The following DPYSL4 variants were observed in gnomAD, a reference collection of about 807,000 sequenced individuals.
DPYSL4 encodes dihydropyrimidinase-related protein 4.
DPYSL4 carries 43 observed loss-of-function variants against 63.4 expected under a neutral mutation model. The observed-to-expected ratio is 0.68, with a 90% CI of 0.53 to 0.88. The LOEUF (loss-of-function observed/expected upper bound fraction) is 0.88. DPYSL4 is among the 40% of genes least tolerant of loss of function. The pLI is 0.00. For missense variants in DPYSL4, 733 were observed against 819.5 expected (o/e 0.89, Z 1.29); for synonymous variants, 353 against 331.7 (o/e 1.06, Z -0.70).
intron 4 of DPYSL4, among the ~76,000 whole-genome samples, chr10:132,195,341 G>A (rs544414772): frequency 1.7e-4 from 26 of 152,336 alleles, no homozygotes; most frequent in Non-Finnish European, 3.1e-4. Flanking sequence ...CTTTCAGAGG[G>A]AGACCCTTTT....
chr10:132,190,758 T>G lies in DPYSL4; in HGVS notation c.51T>G (p.Leu17=). Residue 17 remains leucine (L), a synonymous_variant, in exon 2 of 14, where the codon CTT becomes CTG. Transcript: ENST00000338492. ...GTTGTTCCCGATAGAGTGACCGCCT[T>G]CTGATCAGAGGTGGGAGGATCGTGA... is the stretch of plus-strand genomic sequence containing the variant. ...KSIPRITSDR[L]LIRGGRIVND... 1 of 1,613,290 alleles carries G rather than the reference T, an allele frequency of 6.2e-7. No individual in the cohort carries two copies. Among genetic ancestry groups the G allele is most frequent in the Non-Finnish European group, 8.5e-7 (1 of 1,179,338 alleles).
chr10:132,192,686 G>A lies in DPYSL4; in HGVS notation c.157G>A (p.Gly53Arg), dbSNP rs1245277278. The A allele has an allele frequency of 1.2e-5, 19 of 1,611,874 alleles. No individual in the cohort carries two copies. Among genetic ancestry groups the A allele is most frequent in the Non-Finnish European group, 1.6e-5 (19 of 1,179,316 alleles). ...KQIGENLIVP[G>R]GIKTIDAHGL... ...AATCGGAGAAAACCTCATCGTCCCT[G>A]GGGGCATCAAGACCATTGACGCCCA... Residue 53 changes from glycine to arginine, a missense_variant, in exon 3 of 14, where the codon GGG becomes AGG. Transcript: ENST00000338492.
chr10:132,201,261 A>G (rs542908895), intron 10 of DPYSL4, among the ~76,000 whole-genome samples: 1 of 152,048 alleles, frequency 6.6e-6, no homozygotes, highest in South Asian at 2.1e-4. Flanking sequence ...AGGGGTCAGC[A>G]TGGGGTCTCC....
At position 132,196,894 on chromosome 10, in the gene DPYSL4, A is replaced by G. The variant is rs1386658955; in HGVS notation, c.512A>G (p.Lys171Arg). 6.2e-7 allele frequency: 1 copy of G among 1,613,618 alleles called. No homozygotes were observed. Among genetic ancestry groups the G allele is most frequent in the East Asian group, 2.2e-5 (1 of 44,886 alleles). Residue 171 changes from lysine (K) to arginine (R), a missense_variant, in exon 5 of 14, where the codon AAG (lysine) becomes AGG (arginine). Lys to Arg is a conservative substitution (Grantham distance 26). Coordinates refer to ENST00000338492, the MANE Select transcript of DPYSL4 (RefSeq NM_006426.3). ...TCCTTCCTGGTCTTCATGGCATACA[A>G]GGACCGGTGCCAGTGCAGCGACAGC... is the stretch of plus-strand genomic sequence containing the variant. ...VNSFLVFMAY[K>R]DRCQCSDSQM...
intron 9 of DPYSL4, 61 bp downstream of exon 9, chr10:132,200,573 T>C: frequency 1.3e-6 from 2 of 1,588,064 alleles, no homozygotes; most frequent in Non-Finnish European, 1.7e-6. Context: ...GCCAAGGCTG[T>C]GGCCCCGACA....
At chr10:132,199,133 C>T (rs928389064) in intron 8 of DPYSL4, among the ~76,000 whole-genome samples, 162 bp downstream of exon 8, 1 of 152,040 alleles carries the variant, frequency 6.6e-6, no homozygotes, top group Non-Finnish European at 1.5e-5. Flanking sequence ...GTCCCTGCAT[C>T]GGGGCAGGGG....
At chr10:132,200,775 G>A in intron 9 of DPYSL4, 67 bp from the exon 10 acceptor site, 1 of 1,570,940 alleles carries the variant, frequency 6.4e-7, no homozygotes, top group East Asian at 2.3e-5. Context: ...GGCCAAGGGG[G>A]CTGGAGCTGA....
rs553243746 is a variant in DPYSL4, at chr10:132,205,122, A to AGGGCTGAACCTGGGGAGATGT, written c.*193_*213dup. ...CTGCTGCCAAGAGCCCCTCAAGAGA[A>AGGGCTGAACCTGGGGAGATGT]GGGCTGAACCTGGGGAGATGTCACT... On this transcript the variant is annotated 3_prime_UTR_variant, in exon 14 of 14. Coordinates refer to ENST00000338492, the MANE Select transcript of DPYSL4 (RefSeq NM_006426.3). 1.9e-3 allele frequency: 882 copies of AGGGCTGAACCTGGGGAGATGT among 454,292 alleles called. 4 individuals are homozygous for AGGGCTGAACCTGGGGAGATGT. Among genetic ancestry groups the AGGGCTGAACCTGGGGAGATGT allele is most frequent in the African/African-American group, 0.016 (774 of 49,740 alleles). The allele number at this position is 454,292 out of a possible 1,614,324, so 28.1% of individuals were successfully genotyped here.
At chr10:132,191,724 G>A (rs2061880253) in intron 2 of DPYSL4, among the ~76,000 whole-genome samples, 2 of 90,858 alleles carry the variant, frequency 2.2e-5, no homozygotes, top group Admixed American at 1.3e-4. Context: ...GTGGTATCCA[G>A]GCAGGTGAAA....
chr10:132,187,060 C>T lies in DPYSL4; in HGVS notation c.-4C>T, dbSNP rs1211259904. On this transcript the variant is annotated 5_prime_UTR_variant, in exon 1 of 14. Coordinates refer to ENST00000338492, the MANE Select transcript of DPYSL4 (RefSeq NM_006426.3). ...CGCCCCTACCAGAGACCCCCAGGAG[C>T]AGGATGTCCTTCCAGGGCAAGAAAA... is the stretch of plus-strand genomic sequence containing the variant. 3 of 1,387,816 alleles carry T rather than the reference C, an allele frequency of 2.2e-6. No homozygotes were observed. The highest frequency in any genetic ancestry group is 5.3e-5 in the East Asian group (1 of 18,822). 86.0% of individuals were successfully genotyped at this position (1,387,816 alleles called of 1,614,324 possible).
rs1565040798 is a variant in DPYSL4, at chr10:132,195,008, G to GGGTGAGGGTGGCT, written c.478+2_478+14dup. 5 of 1,601,650 alleles carry GGGTGAGGGTGGCT rather than the reference G, an allele frequency of 3.1e-6. No individual in the cohort carries two copies. The African/African-American group carries it at 5.3e-5, about 17-fold the overall frequency. On this transcript the variant is annotated frameshift_variant and splice_region_variant, in exon 4 of 14. Transcript: ENST00000338492. LOFTEE classifies it high-confidence loss of function. ...AGCTGGAGGCCCTGGTCAAGGAGAA[G>GGGTGAGGGTGGCT]GGTGAGGGTGGCTGGAGGGGCTGGA...
At chr10:132,204,458 C>T (rs1360836693) in intron 13 of DPYSL4, among the ~76,000 whole-genome samples, 2 of 152,152 alleles carry the variant, frequency 1.3e-5, no homozygotes, top group South Asian at 2.1e-4. Context: ...CTGCTCACCT[C>T]CTGGGGACTC....
chr10:132,191,304 C>T (rs2061872865), intron 2 of DPYSL4, among the ~76,000 whole-genome samples: 1 of 144,036 alleles, frequency 6.9e-6, no homozygotes, highest in Admixed American at 6.9e-5. Flanking sequence ...AAAGTATGTT[C>T]CCACCTCTTG....
chr10:132,187,658 G>T (rs191580025), intron 1 of DPYSL4, among the ~76,000 whole-genome samples: 219 of 152,340 alleles, frequency 1.4e-3, no homozygotes, highest in Admixed American at 7.0e-3. Context: ...GGCCGCTCTG[G>T]CCGGAGTCCC....
Position 132,194,972 on chromosome 10 carries a change from C to G in DPYSL4, c.441C>G (p.Ser147Arg), listed in dbSNP as rs544731345. 1 of 1,609,060 alleles carries G rather than the reference C, an allele frequency of 6.2e-7. No homozygotes were observed. Among genetic ancestry groups the G allele is most frequent in the South Asian group, 1.1e-5 (1 of 91,068 alleles). Residue 147 changes from serine (S) to arginine (R), a missense_variant, in exon 4 of 14, where the codon AGC becomes AGG. Ser to Arg is a moderately radical substitution (Grantham distance 110, BLOSUM62 -1). Transcript: ENST00000338492. ...LHVDITRWHESIKEELEALVK... is the reference protein window; with the variant it reads ...LHVDITRWHERIKEELEALVK... ...TGGACATCACCCGATGGCATGAGAG[C>G]ATCAAGGAGGAGCTGGAGGCCCTGG...
chr10:132,192,239 G>A (rs1379105878), intron 2 of DPYSL4: 1 of 902,476 alleles, frequency 1.1e-6, no homozygotes, highest in Admixed American at 6.2e-5. Flanking sequence ...GTGGCTGTGG[G>A]CGAAAGCAGG....
intron 3 of DPYSL4, 29 bp downstream of exon 3, chr10:132,192,871 G>C (rs992435314): frequency 9.0e-6 from 14 of 1,563,248 alleles, no homozygotes; most frequent in African/African-American, 1.4e-5. Flanking sequence ...TCCTCTACAG[G>C]GGGCAGCCAG....
At position 132,186,994 on chromosome 10, in the gene DPYSL4, T is replaced by TCCGCCCCCCCCCCCCCCCCCCC; in HGVS notation, c.-68_-67insGCCCCCCCCCCCCCCCCCCCCC. 1.4e-5 allele frequency: 3 copies of TCCGCCCCCCCCCCCCCCCCCCC among 217,372 alleles called. No homozygotes were observed. The highest frequency in any genetic ancestry group is 7.5e-5 in the South Asian group (1 of 13,406). The allele number at this position is 217,372 out of a possible 1,614,324, so 13.5% of individuals were successfully genotyped here. A position where few individuals can be genotyped will look rare whatever the true frequency, so the allele number is the denominator to read the frequency against. Reference sequence around the variant, plus strand: ...CCACGCACGCGTCCCGGCTCACGCGTCCCCCCGCCCGCCCGCCCGCCCGCC... The same window carrying TCCGCCCCCCCCCCCCCCCCCCC: ...CCACGCACGCGTCCCGGCTCACGCGTCCGCCCCCCCCCCCCCCCCCCCCCCCCCGCCCGCCCGCCCGCCCGCC... On this transcript the variant is annotated 5_prime_UTR_variant, in exon 1 of 14. Transcript: ENST00000338492.
chr10:132,194,785 G>A lies in DPYSL4; in HGVS notation c.314-60G>A, dbSNP rs2061920174. The A allele has an allele frequency of 1.9e-6, 3 of 1,579,452 alleles. No individual in the cohort carries two copies. The South Asian group carries it at 3.5e-5, about 18-fold the overall frequency. ...ACATGAAACAGAATCTCCCATGGAG[G>A]AGGCAGAGGTGGGAACCAGGGACCA... On this transcript the variant is annotated intron_variant, in intron 3 of 13. Coordinates refer to ENST00000338492, the MANE Select transcript of DPYSL4 (RefSeq NM_006426.3).
Sources: gnomAD v4.1 joint callset for allele counts (sites outside exome capture counted in the v4.1 genomes callset) on GRCh38, gnomAD v4.1.1 for gene constraint, MANE v1.5 for transcripts, NCBI Gene and HGNC (gene_info 2026-07-23, HGNC 2026-07-21) for gene names.